The following ZFAT variants were observed in gnomAD, a reference collection of about 807,000 sequenced individuals.
ZFAT encodes zinc finger protein ZFAT.
Under a neutral mutation model 117.7 loss-of-function variants are expected in ZFAT, and 64 were observed. The observed-to-expected ratio is 0.54, with a 90% CI of 0.44 to 0.67. The LOEUF (loss-of-function observed/expected upper bound fraction) is 0.67. ZFAT is among the 30% of genes least tolerant of loss of function. The pLI is 0.00. For synonymous variants in ZFAT, 679 were observed against 615.0 expected (o/e 1.10, Z -1.54); for missense variants, 1,433 against 1,584.5 (o/e 0.90, Z 1.62).
At chr8:134,488,743 C>T (rs1411373129) in intron 15 of ZFAT, among the ~76,000 whole-genome samples, 4 of 139,314 alleles carry the variant, frequency 2.9e-5, no homozygotes, top group Non-Finnish European at 4.7e-5. Context: ...TTGTCAGGGT[C>T]GGGGGAAGGT....
the ZFAT span, among the ~76,000 whole-genome samples, chr8:134,778,091 G>C: frequency 6.6e-6 from 1 of 152,140 alleles, no homozygotes; most frequent in African/African-American, 2.4e-5. Flanking sequence ...GCATCCTGTA[G>C]GTGAAATTTC....
At chr8:134,607,010 C>A (rs372501992) in intron 5 of ZFAT, among the ~76,000 whole-genome samples, 1 of 151,922 alleles carries the variant, frequency 6.6e-6, no homozygotes, top group Admixed American at 6.6e-5. Flanking sequence ...AAAATCCTTA[C>A]GCAAAAACAT....
chr8:134,644,866 TCA>T (rs1389954660), intron 2 of ZFAT, among the ~76,000 whole-genome samples: 1 of 151,624 alleles, frequency 6.6e-6, no homozygotes, highest in African/African-American at 2.4e-5. Flanking sequence ...ATATACACAA[TCA>T]CACAACGTGC....
At position 134,682,890 on chromosome 8, in the gene ZFAT, A is replaced by C. The variant is rs1833138888; in HGVS notation, c.20-25153T>G. Among the ~76,000 whole-genome samples the C allele has an allele frequency of 2.0e-5, 3 of 152,106 alleles. 1 individual carries two copies. The highest frequency in any genetic ancestry group is 4.1e-4 in the South Asian group (2 of 4,822). On this transcript the variant is annotated intron_variant, in intron 1 of 15. Coordinates refer to ENST00000377838, the MANE Select transcript of ZFAT (RefSeq NM_020863.4). ...TGGCAGCACAACAACCCTACTTTCA[A>C]GGGAGAGGAGATAAACATTTCCTGA...
At chr8:134,731,274 C>T in the ZFAT span, among the ~76,000 whole-genome samples, 15 of 152,296 alleles carry the variant, frequency 9.8e-5, no homozygotes, top group African/African-American at 2.9e-4. Flanking sequence ...ATGTATTTTT[C>T]GCCAAACACA....
At chr8:134,576,790 AC>A (rs1825340277) in intron 10 of ZFAT, among the ~76,000 whole-genome samples, 1 of 152,162 alleles carries the variant, frequency 6.6e-6, no homozygotes, top group African/African-American at 2.4e-5. Context: ...CTCCACTCAA[AC>A]CTAATTTCCA....
chr8:134,803,758 A>G, the ZFAT span, among the ~76,000 whole-genome samples: 7 of 152,220 alleles, frequency 4.6e-5, no homozygotes, highest in African/African-American at 1.7e-4. Context: ...AGTACTATAC[A>G]TGCAAGGTGC....
the ZFAT span, chr8:134,797,651 T>A: frequency 1.3e-5 from 2 of 152,028 alleles, no homozygotes; most frequent in Non-Finnish European, 2.9e-5. Flanking sequence ...AGATTTTGAA[T>A]CACAGGAATA....
At chr8:134,485,943 G>C (rs769028919) in intron 15 of ZFAT, among the ~76,000 whole-genome samples, 1 of 152,188 alleles carries the variant, frequency 6.6e-6, no homozygotes, top group African/African-American at 2.4e-5. Context: ...CCTGGTGCCC[G>C]AGTTCCCCAC....
At chr8:134,740,206 T>C in the ZFAT span, among the ~76,000 whole-genome samples, 2 of 152,214 alleles carry the variant, frequency 1.3e-5, no homozygotes, top group Non-Finnish European at 2.9e-5. Flanking sequence ...GAGGCACCCA[T>C]TCCCTTCTAG....
the ZFAT span, among the ~76,000 whole-genome samples, chr8:134,787,675 ATT>A: frequency 0.031 from 4,778 of 152,044 alleles, 238 homozygotes; most frequent in African/African-American, 0.11. Flanking sequence ...GGTCCTTTGC[ATT>A]TCTTCAGTTT....
chr8:134,751,018 T>C, the ZFAT span, among the ~76,000 whole-genome samples: 2 of 152,246 alleles, frequency 1.3e-5, no homozygotes, highest in African/African-American at 4.8e-5. Context: ...AGCAGGTAAA[T>C]GTAGCAAATC....
At chr8:134,739,351 C>T in the ZFAT span, among the ~76,000 whole-genome samples, 1 of 151,568 alleles carries the variant, frequency 6.6e-6, no homozygotes, top group Non-Finnish European at 1.5e-5. Context: ...GCTCTTGAAC[C>T]GGGATATGGG....
At chr8:134,772,160 T>C in the ZFAT span, among the ~76,000 whole-genome samples, 1 of 152,174 alleles carries the variant, frequency 6.6e-6, no homozygotes, top group Admixed American at 6.5e-5. Flanking sequence ...ATAACTACAA[T>C]GGCCTCTAAG....
chr8:134,649,201 A>C (rs570977814), intron 2 of ZFAT, among the ~76,000 whole-genome samples: 20 of 148,934 alleles, frequency 1.3e-4, no homozygotes, highest in Non-Finnish European at 2.1e-4. Context: ...ACACACACAC[A>C]CCCCATCATA....
chr8:134,506,358 G>A (rs544727706), intron 15 of ZFAT, among the ~76,000 whole-genome samples: 27 of 152,336 alleles, frequency 1.8e-4, no homozygotes, highest in African/African-American at 6.0e-4. Flanking sequence ...CTTTCTGAGC[G>A]TTGGGAGATG....
upstream of ZFAT, among the ~76,000 whole-genome samples, chr8:134,713,461 TCC>T (rs1294315252): frequency 1.3e-5 from 2 of 152,204 alleles, no homozygotes; most frequent in African/African-American, 4.8e-5. Flanking sequence ...CCAACCTGCA[TCC>T]CGCTCAAAGC....
At chr8:134,648,501 A>T (rs747808056) in intron 2 of ZFAT, among the ~76,000 whole-genome samples, 1 of 152,144 alleles carries the variant, frequency 6.6e-6, no homozygotes, top group Non-Finnish European at 1.5e-5. Context: ...TCTTACAAAA[A>T]TCAAAATAAT....
intron 2 of ZFAT, among the ~76,000 whole-genome samples, chr8:134,654,037 C>T (rs1831443409): frequency 1.3e-5 from 2 of 152,168 alleles, no homozygotes; most frequent in African/African-American, 2.4e-5. Context: ...GGGCTCATGC[C>T]TGTAATCTCA....
Sources: allele counts gnomAD v4.1 joint callset (sites outside exome capture counted in the v4.1 genomes callset), GRCh38; gene constraint gnomAD v4.1.1; transcripts MANE v1.5; gene names NCBI Gene and HGNC (gene_info 2026-07-23, HGNC 2026-07-21).